ANKRD11: variants seen among roughly 807,000 people sequenced by gnomAD.
ANKRD11 encodes the protein ankyrin repeat domain 11.
Under a neutral mutation model 195.7 loss-of-function variants are expected in ANKRD11, and 17 were observed. That is an observed-to-expected ratio of 0.09 (90% CI 0.06 to 0.13). The LOEUF (loss-of-function observed/expected upper bound fraction) is 0.13. ANKRD11 is among the 10% of genes least tolerant of loss of function. The probability of loss-of-function intolerance (pLI) is 1.00; values close to 1 mark genes in which losing one functional copy is unlikely to be tolerated. For missense variants in ANKRD11, 3,735 were observed against 3,566.1 expected (o/e 1.05, Z -1.21); for synonymous variants, 1,953 against 1,528.1 (o/e 1.28, Z -6.49).
intron 2 of ANKRD11, among the ~76,000 whole-genome samples, chr16:89,319,116 G>A (rs370281423): frequency 1.3e-5 from 2 of 152,330 alleles, no homozygotes; most frequent in Admixed American, 6.5e-5. Flanking sequence ...CTCTCAGGAC[G>A]GAAAAACGGG....
At chr16:89,488,869 A>G (rs1350897415) in intron 1 of ANKRD11, among the ~76,000 whole-genome samples, 1 of 152,166 alleles carries the variant, frequency 6.6e-6, no homozygotes, top group Non-Finnish European at 1.5e-5. Context: ...CTACCATAAA[A>G]CCCTGTTCTT....
chr16:89,347,287 T>C (rs1336149475), intron 2 of ANKRD11, among the ~76,000 whole-genome samples: 12 of 152,174 alleles, frequency 7.9e-5, no homozygotes, highest in Admixed American at 2.0e-4. Context: ...TGTACCTGTA[T>C]GTGTGTACGT....
In ANKRD11 at chr16:89,284,586, C is replaced by G. The variant is rs767832615; in HGVS notation, c.1956G>C (p.Leu652=). ...EKGQCSISQE[L]KLKSFTYEYE... is the part of the protein sequence containing the mutation. ...ATTCGTAAGTAAAACTTTTCAACTT[C>G]AGCTCTTGGCTGATGGAACACTGTC... The change falls in exon 9 of 13, where the codon CTG becomes CTC. Residue 652 remains leucine, a synonymous_variant. Coordinates refer to ENST00000301030, the MANE Select transcript of ANKRD11 (RefSeq NM_013275.6). 6.2e-7 allele frequency: 1 copy of G among 1,614,162 alleles called. No individual in the cohort carries two copies. Among genetic ancestry groups the G allele is most frequent in the Non-Finnish European group, 8.5e-7 (1 of 1,180,038 alleles).
chr16:89,379,490 T>C (rs923837745), intron 2 of ANKRD11, among the ~76,000 whole-genome samples: 1 of 152,100 alleles, frequency 6.6e-6, no homozygotes, highest in Non-Finnish European at 1.5e-5. Context: ...GAGTCCAACT[T>C]GAACATTTTT....
intron 4 of ANKRD11, among the ~76,000 whole-genome samples, chr16:89,295,927 G>T (rs530167677): frequency 3.8e-4 from 51 of 135,166 alleles, no homozygotes; most frequent in Admixed American, 8.1e-4. Context: ...GTGGGATTGG[G>T]GGGGGCTGTG....
At chr16:89,411,821 G>C (rs922932850) in intron 2 of ANKRD11, among the ~76,000 whole-genome samples, 21 of 152,164 alleles carry the variant, frequency 1.4e-4, no homozygotes, top group Non-Finnish European at 2.4e-4. Context: ...AAAGAGACTA[G>C]AATTCTCAGC....
At chr16:89,419,874 C>G (rs1159890075) in intron 1 of ANKRD11, among the ~76,000 whole-genome samples, 3 of 152,068 alleles carry the variant, frequency 2.0e-5, no homozygotes, top group African/African-American at 7.2e-5. Context: ...ACCTCAAGGA[C>G]CATTAAAAAT....
chr16:89,453,148 T>TAC (rs2056270999), intron 1 of ANKRD11, among the ~76,000 whole-genome samples: 1 of 152,196 alleles, frequency 6.6e-6, no homozygotes, highest in Non-Finnish European at 1.5e-5. Flanking sequence ...ATAATAGTAT[T>TAC]TAACAAGATA....
In ANKRD11 at chr16:89,405,879, G is replaced by A. The variant is rs911967999; in HGVS notation, c.-60+12405C>T. On this transcript the variant is annotated intron_variant, in intron 2 of 12. Coordinates refer to ENST00000301030, the MANE Select transcript of ANKRD11 (RefSeq NM_013275.6). ...TAATCCCAGCACTTTGGGAGCCAAC[G>A]CCGGCAGATCACCTGAGGACAGGAG... 1.4e-4 allele frequency among the ~76,000 whole-genome samples: 21 copies of A among 152,156 alleles called. No individual in the cohort carries two copies. In the East Asian group the frequency reaches 2.5e-3, roughly 18 times the overall value.
chr16:89,305,162 C>A, intron 4 of ANKRD11, 44 bp downstream of exon 4: 1 of 1,602,532 alleles, frequency 6.2e-7, no homozygotes, highest in Non-Finnish European at 8.5e-7. Context: ...CTGCTCCGGG[C>A]TGCCTGTGGA....
chr16:89,300,300 C>T, intron 4 of ANKRD11: 3 of 216,596 alleles, frequency 1.4e-5, no homozygotes, highest in Non-Finnish European at 2.8e-5. Flanking sequence ...CAGGGCTTCC[C>T]GCCGTGTGTT....
intron 4 of ANKRD11, among the ~76,000 whole-genome samples, chr16:89,297,173 A>G (rs904723651): frequency 6.6e-6 from 1 of 152,182 alleles, no homozygotes; most frequent in African/African-American, 2.4e-5. Flanking sequence ...TCAATCATTT[A>G]GCACCTCTAA....
intron 1 of ANKRD11, among the ~76,000 whole-genome samples, chr16:89,446,027 T>C (rs2043775770): frequency 6.9e-6 from 1 of 145,636 alleles, no homozygotes; most frequent in Non-Finnish European, 1.5e-5. Flanking sequence ...AAAACCAGCC[T>C]AGTATATGTT....
intron 2 of ANKRD11, among the ~76,000 whole-genome samples, chr16:89,392,200 G>A (rs1346217246): frequency 6.6e-6 from 1 of 152,192 alleles, no homozygotes; most frequent in Admixed American, 6.5e-5. Flanking sequence ...TTCATTCGGT[G>A]TACTCTCGTG....
At chr16:89,383,161 T>A (rs2040737608) in intron 2 of ANKRD11, among the ~76,000 whole-genome samples, 1 of 152,246 alleles carries the variant, frequency 6.6e-6, no homozygotes, top group African/African-American at 2.4e-5. Context: ...AACAGCCGCC[T>A]GTGCTGCTGA....
At chr16:89,410,178 G>C (rs1290078670) in intron 2 of ANKRD11, among the ~76,000 whole-genome samples, 8 of 152,150 alleles carry the variant, frequency 5.3e-5, no homozygotes, top group Admixed American at 5.2e-4. Context: ...TTCAGCTACA[G>C]GGCAGAATTT....
Position 89,278,924 on chromosome 16 carries a change from A to G in ANKRD11, c.7470+148T>C, listed in dbSNP as rs2033908698. ...TTCCGGCTTTTGCCTCCACAGCAGA[A>G]GTGGGGCTGTGTCTCCTCAGGTGGC... On this transcript the variant is annotated intron_variant, in intron 9 of 12. Coordinates refer to ENST00000301030, the MANE Select transcript of ANKRD11 (RefSeq NM_013275.6). 3.8e-6 allele frequency: 5 copies of G among 1,307,224 alleles called. No individual in the cohort carries two copies. In the East Asian group the frequency reaches 7.5e-5, roughly 20 times the overall value. 81.0% of individuals were successfully genotyped at this position (1,307,224 alleles called of 1,614,324 possible).
intron 1 of ANKRD11, among the ~76,000 whole-genome samples, chr16:89,452,592 C>T (rs886064741): frequency 2.6e-5 from 4 of 151,924 alleles, no homozygotes; most frequent in African/African-American, 9.7e-5. Flanking sequence ...GCCTGGCCAA[C>T]ATGGTGAAAC....
intron 1 of ANKRD11, among the ~76,000 whole-genome samples, chr16:89,432,240 C>T (rs1162884390): frequency 7.3e-5 from 3 of 40,982 alleles, no homozygotes; most frequent in East Asian, 5.9e-4. Flanking sequence ...ATGCAGTACA[C>T]ACACACACAC....
Sources: allele counts gnomAD v4.1 joint callset (sites outside exome capture counted in the v4.1 genomes callset), GRCh38; gene constraint gnomAD v4.1.1; transcripts MANE v1.5; gene names NCBI Gene and HGNC (gene_info 2026-07-23, HGNC 2026-07-21).